Variants in RFFL observed in about 807,000 individuals in gnomAD.
RFFL encodes the protein E3 ubiquitin-protein ligase rififylin.
A neutral mutation model predicts 40.4 loss-of-function variants in RFFL; 16 were observed. That is an observed-to-expected ratio of 0.40 (90% confidence interval 0.27 to 0.60). The LOEUF is 0.60. Ranked by LOEUF, RFFL falls within the 20% of genes least tolerant of loss-of-function variation. The pLI is 0.47. For synonymous variants in RFFL, 154 were observed against 167.9 expected, an observed-to-expected ratio of 0.92 and a Z score of 0.64; for missense variants, 367 against 451.7, an observed-to-expected ratio of 0.81 and a Z score of 1.70.
At chr17:35,023,921 G>C (rs1195617571) in intron 2 of RFFL, among the ~76,000 whole-genome samples, 1 of 152,146 alleles carries the variant, frequency 6.6e-6, no homozygotes, top group Non-Finnish European at 1.5e-5. Context: ...TAAAACCCCA[G>C]TTTGCAGTGG....
intron 1 of RFFL, among the ~76,000 whole-genome samples, chr17:35,052,866 T>G (rs1382002605): frequency 6.6e-6 from 1 of 152,204 alleles, no homozygotes; most frequent in Non-Finnish European, 1.5e-5. Context: ...AAGAGAATTC[T>G]CTGCTATGAG....
chr17:35,029,469 G>C (rs1318179442), intron 1 of RFFL, among the ~76,000 whole-genome samples: 1 of 148,462 alleles, frequency 6.7e-6, no homozygotes, highest in East Asian at 2.0e-4. Flanking sequence ...TCAGCTTCCT[G>C]AGTAGCTGGG....
At chr17:35,030,003 C>T (rs1360515788) in intron 1 of RFFL, among the ~76,000 whole-genome samples, 10 of 150,530 alleles carry the variant, frequency 6.6e-5, no homozygotes, top group African/African-American at 2.5e-4. Context: ...CATCCATGTC[C>T]CTACAAAGGA....
At chr17:35,038,425 A>G (rs1392470447) in intron 1 of RFFL, among the ~76,000 whole-genome samples, 1 of 152,134 alleles carries the variant, frequency 6.6e-6, no homozygotes, top group Non-Finnish European at 1.5e-5. Context: ...ATCTCTTTCC[A>G]TGGCTTTGCA....
intron 1 of RFFL, among the ~76,000 whole-genome samples, chr17:35,082,368 C>G (rs530573833): frequency 7.9e-5 from 12 of 152,148 alleles, no homozygotes; most frequent in African/African-American, 2.9e-4. Flanking sequence ...ATGAGGCCAC[C>G]CTCAAAGGCT....
In RFFL at chr17:35,068,942, G is replaced by GT. The variant is rs200776662; in HGVS notation, c.-9+20162dup. ...ATATAAGGCTATTTCTTAGTTTTCT[G>GT]TTTTTTTTCCCTGAGCAGCTAATAC... On this transcript the variant is annotated intron_variant, in intron 1 of 6. Coordinates refer to the RFFL transcript ENST00000315249. 6.1e-3 allele frequency among the ~76,000 whole-genome samples: 921 copies of GT among 151,836 alleles called. 5 individuals carry two copies. The highest frequency in any genetic ancestry group is 0.023 in the East Asian group (121 of 5,168).
chr17:35,016,276 G>A, intron 5 of RFFL, 94 bp downstream of exon 5: 1 of 1,078,110 alleles, frequency 9.3e-7, no homozygotes, highest in South Asian at 1.4e-5. Flanking sequence ...CATGGCTTAA[G>A]TGTGGAAATT....
intron 1 of RFFL, among the ~76,000 whole-genome samples, chr17:35,056,651 A>G (rs1027560836): frequency 2.0e-5 from 3 of 152,012 alleles, no homozygotes; most frequent in Non-Finnish European, 4.4e-5. Context: ...TGCTGGGATT[A>G]CAGGCGTGAG....
At chr17:35,065,558 CA>C (rs947708350), upstream of RFFL, among the ~76,000 whole-genome samples, 252 of 51,150 alleles carry the variant, frequency 4.9e-3, no homozygotes, top group African/African-American at 7.1e-3. Context: ...AACTTCGTCT[CA>C]AAAAAAAAAA....
At chr17:35,038,372 T>G (rs1234321777) in intron 1 of RFFL, among the ~76,000 whole-genome samples, 1 of 151,972 alleles carries the variant, frequency 6.6e-6, no homozygotes, top group Non-Finnish European at 1.5e-5. Flanking sequence ...ATTTGGAAAT[T>G]TTGTGTGTGT....
chr17:35,041,590 G>A lies in RFFL; in HGVS notation c.-8-15029C>T, dbSNP rs1056444197. Among the ~76,000 whole-genome samples, 7 of 90,124 alleles carry A rather than the reference G, an allele frequency of 7.8e-5. No homozygotes were observed. In the African/African-American group the frequency reaches 1.1e-3, roughly 14 times the overall value. 59.1% of individuals were successfully genotyped at this position (90,124 alleles called of 152,430 possible). On this transcript the variant is annotated intron_variant, in intron 1 of 6. Transcript: ENST00000394597. ...CTGGTGTGTGAAGAACCGAAAGGTA[G>A]TGTGACCTTTCGGTTCTTCACACCG...
chr17:35,013,250 C>T (rs1376196058), intron 6 of RFFL, among the ~76,000 whole-genome samples: 1 of 152,266 alleles, frequency 6.6e-6, no homozygotes, highest in Admixed American at 6.5e-5. Flanking sequence ...TCTAGAATGG[C>T]CTTCTGCCTA....
At position 35,088,575 on chromosome 17, in the gene RFFL, G is replaced by A. The variant is rs187735825; in HGVS notation, c.-9+530C>T. Among the ~76,000 whole-genome samples, 526 of 152,266 alleles carry A rather than the reference G, an allele frequency of 3.5e-3. 3 individuals carry two copies. Among genetic ancestry groups the A allele is most frequent in the Non-Finnish European group, 6.0e-3 (409 of 68,006 alleles). On this transcript the variant is annotated intron_variant, in intron 1 of 6. Coordinates refer to the RFFL transcript ENST00000315249. ...CGACCTCACACACATCGCGAACAGA[G>A]GACAACTCCCAAGCGAGGGAACAGT...
chr17:35,017,503 G>C lies in RFFL; in HGVS notation c.675+20C>G, dbSNP rs1222785369. The stretch of plus-strand genomic sequence containing the variant: ...GTGAAAGAGGAAAGGTGAAGACACA[G>C]ACCCAAGCAGAGGCCCCACCTGGGT... On this transcript the variant is annotated intron_variant, in intron 4 of 6. Coordinates refer to ENST00000394597, the MANE Select transcript of RFFL (RefSeq NM_001017368.2). The C allele has an allele frequency of 6.4e-7, 1 of 1,554,054 alleles. No individual in the cohort carries two copies.
At chr17:35,042,844 A>AT (rs2091175432) in intron 1 of RFFL, among the ~76,000 whole-genome samples, 2 of 146,066 alleles carry the variant, frequency 1.4e-5, no homozygotes, top group East Asian at 3.9e-4. Context: ...AAAAAAAAAA[A>AT]GAAAAGAAAA....
At position 35,011,885 on chromosome 17, in the gene RFFL, G is replaced by A; in HGVS notation, c.*83C>T. 2 of 1,324,630 alleles carry A rather than the reference G, an allele frequency of 1.5e-6. No homozygotes were observed. Among genetic ancestry groups the A allele is most frequent in the Non-Finnish European group, 1.1e-6 (1 of 940,164 alleles). 82.1% of individuals were successfully genotyped at this position (1,324,630 alleles called of 1,614,324 possible). On this transcript the variant is annotated 3_prime_UTR_variant, in exon 7 of 7. Transcript: ENST00000394597. ...AACCCTGCAATATTTCTACTAGCTTGCTCCTCTGCAAGCTGGCCAACCCTG... is the reference window on the plus strand; with the variant it reads ...AACCCTGCAATATTTCTACTAGCTTACTCCTCTGCAAGCTGGCCAACCCTG...
At chr17:35,056,164 T>TG (rs1171580442) in intron 1 of RFFL, among the ~76,000 whole-genome samples, 1 of 152,074 alleles carries the variant, frequency 6.6e-6, no homozygotes, top group Non-Finnish European at 1.5e-5. Flanking sequence ...ACACTTACTC[T>TG]GGATACACTT....
At chr17:35,028,931 G>T (rs1301987642) in intron 1 of RFFL, among the ~76,000 whole-genome samples, 1 of 151,972 alleles carries the variant, frequency 6.6e-6, no homozygotes, top group Admixed American at 6.6e-5. Flanking sequence ...CAACTGGCCT[G>T]TAACTTGCCT....
intron 1 of RFFL, among the ~76,000 whole-genome samples, chr17:35,057,484 C>A (rs1167883381): frequency 1.3e-5 from 2 of 151,632 alleles, no homozygotes; most frequent in Non-Finnish European, 2.9e-5. Flanking sequence ...GACTGCAGTT[C>A]ACCTTCCCTA....
Sources: allele counts gnomAD v4.1 joint callset (sites outside exome capture counted in the v4.1 genomes callset), GRCh38; gene constraint gnomAD v4.1.1; transcripts MANE v1.5; gene names NCBI Gene and HGNC (gene_info 2026-07-23, HGNC 2026-07-21).